FKBP1B: variants seen among roughly 807,000 people sequenced by gnomAD.
FKBP1B encodes the protein peptidyl-prolyl cis-trans isomerase FKBP1B.
In FKBP1B, 4 loss-of-function variants were observed where a neutral mutation model predicts 13.5. The observed-to-expected ratio is 0.30, with a 90% CI of 0.15 to 0.68. FKBP1B has a LOEUF of 0.68. FKBP1B is among the 30% of genes least tolerant of loss of function. FKBP1B has a pLI of 0.76. For synonymous variants in FKBP1B, 54 were observed against 53.6 expected (o/e 1.01, Z -0.03); for missense variants, 93 against 136.2 (o/e 0.68, Z 1.58).
In FKBP1B at chr2:24,054,183, C is replaced by T. The variant is rs1210231911; in HGVS notation, c.85+234C>T. On this transcript the variant is annotated intron_variant, in intron 2 of 3. Transcript: ENST00000380986. ...TACCAGCAAGGGCCATCCATGGTGCCAGCTTCTAGGTGAGTCAAACACCTT... is the reference window on the plus strand; with the variant it reads ...TACCAGCAAGGGCCATCCATGGTGCTAGCTTCTAGGTGAGTCAAACACCTT... 4.3e-6 allele frequency: 3 copies of T among 698,544 alleles called. No individual in the cohort carries two copies. The Admixed American group carries it at 6.3e-5, about 15-fold the overall frequency. The allele number at this position is 698,544 out of a possible 1,614,324, so 43.3% of individuals were successfully genotyped here.
chr2:24,062,953 A>C, intron 3 of FKBP1B, 111 bp from the exon 4 acceptor site: 2 of 1,493,268 alleles, frequency 1.3e-6, no homozygotes, highest in Non-Finnish European at 1.8e-6. Flanking sequence ...TGAGATCTTC[A>C]GAGTTAACAT....
chr2:24,040,993 G>C, the FKBP1B span, among the ~76,000 whole-genome samples: 1 of 151,950 alleles, frequency 6.6e-6, no homozygotes, highest in Non-Finnish European at 1.5e-5. Context: ...TCCAGCCTGG[G>C]TAACAACAGC....
Position 24,063,126 on chromosome 2 carries a change from C to G in FKBP1B, c.261C>G (p.Gly87=), listed in dbSNP as rs374480315. The change falls in exon 4 of 4, where the codon GGC becomes GGG. Residue 87 remains glycine, a synonymous_variant. Transcript: ENST00000380986. ...CTPDVAYGAT[G]HPGVIPPNAT... is the part of the protein sequence containing the mutation. Reference sequence around the variant, plus strand: ...CTGATGTGGCATATGGAGCCACGGGCCACCCCGGTGTCATCCCTCCCAATG... The same window carrying G: ...CTGATGTGGCATATGGAGCCACGGGGCACCCCGGTGTCATCCCTCCCAATG... 6.2e-7 allele frequency: 1 copy of G among 1,613,738 alleles called. No homozygotes were observed. The highest frequency in any genetic ancestry group is 1.3e-5 in the African/African-American group (1 of 75,054).
At chr2:24,061,096 C>T (rs1424344) in intron 3 of FKBP1B, among the ~76,000 whole-genome samples, 170 bp downstream of exon 3, 26,400 of 152,076 alleles carry the variant, frequency 0.17, 3,213 homozygotes, top group African/African-American at 0.34. Context: ...GTCCCCACCC[C>T]TCTCCTTGCC....
intron 2 of FKBP1B, among the ~76,000 whole-genome samples, chr2:24,057,678 G>A (rs1664197402): frequency 6.6e-6 from 1 of 151,588 alleles, no homozygotes; most frequent in African/African-American, 2.4e-5. Context: ...CGGCCACCTG[G>A]CTAATTTTTA....
At chr2:24,054,079 AC>A in intron 2 of FKBP1B, 130 bp downstream of exon 2, 1 of 855,816 alleles carries the variant, frequency 1.2e-6, no homozygotes, top group Non-Finnish European at 2.0e-6. Flanking sequence ...TCTCCCTGTG[AC>A]CAGCCATCCT....
At chr2:24,061,452 A>G (rs763946481) in intron 3 of FKBP1B, among the ~76,000 whole-genome samples, 10 of 152,120 alleles carry the variant, frequency 6.6e-5, no homozygotes, top group Non-Finnish European at 1.5e-4. Context: ...AGACTGTCTC[A>G]AAAAAACAAA....
the FKBP1B span, among the ~76,000 whole-genome samples, chr2:24,043,655 T>C: frequency 6.6e-6 from 1 of 152,224 alleles, no homozygotes; most frequent in African/African-American, 2.4e-5. Flanking sequence ...CCATTCCAAT[T>C]TCTTCTCCAA....
upstream of FKBP1B, among the ~76,000 whole-genome samples, chr2:24,045,381 CA>C (rs1208446783): frequency 2.0e-5 from 3 of 151,920 alleles, no homozygotes; most frequent in African/African-American, 7.3e-5. Context: ...GCAGGTGGAT[CA>C]TCTGAGGTCA....
the FKBP1B span, among the ~76,000 whole-genome samples, chr2:24,040,485 C>T: frequency 6.6e-6 from 1 of 152,186 alleles, no homozygotes; most frequent in South Asian, 2.1e-4. Context: ...TATTTCAAAT[C>T]CTTCCAAAGT....
At chr2:24,034,580 T>TTC in the FKBP1B span, among the ~76,000 whole-genome samples, 2 of 150,624 alleles carry the variant, frequency 1.3e-5, no homozygotes, top group African/African-American at 4.9e-5. Flanking sequence ...AAAACTTTTT[T>TTC]TTTTTTTTTT....
chr2:24,042,404 C>T, the FKBP1B span, among the ~76,000 whole-genome samples: 3 of 151,916 alleles, frequency 2.0e-5, no homozygotes, highest in Non-Finnish European at 2.9e-5. Flanking sequence ...GGTGTGTTGG[C>T]GGGCGCCTGT....
chr2:24,054,642 G>T, intron 2 of FKBP1B: 1 of 165,928 alleles, frequency 6.0e-6, no homozygotes. Context: ...ATACTCGGAT[G>T]GGGCCATTTT....
upstream of FKBP1B, among the ~76,000 whole-genome samples, chr2:24,049,047 C>G (rs1227681800): frequency 2.0e-5 from 3 of 152,148 alleles, no homozygotes; most frequent in African/African-American, 4.8e-5. Context: ...CCTCCCCCAG[C>G]TCTGCTCCTA....
chr2:24,048,491 G>GA (rs1218358113), upstream of FKBP1B, among the ~76,000 whole-genome samples: 49 of 144,020 alleles, frequency 3.4e-4, no homozygotes, highest in Non-Finnish European at 6.8e-4. Context: ...AAAAAAAAAA[G>GA]GAGAGAGAGA....
At chr2:24,061,378 G>A (rs1004340901) in intron 3 of FKBP1B, among the ~76,000 whole-genome samples, 4 of 152,074 alleles carry the variant, frequency 2.6e-5, no homozygotes, top group Non-Finnish European at 5.9e-5. Flanking sequence ...TACTTGAACC[G>A]GGGAGGTGAA....
rs751045263 is a variant in FKBP1B at position 24,053,924 on chromosome 2, C to A, written c.60C>A (p.Gly20=). The A allele has an allele frequency of 3.1e-6, 5 of 1,614,174 alleles. No individual in the cohort carries two copies. The highest frequency in any genetic ancestry group is 4.2e-6 in the Non-Finnish European group (5 of 1,180,028). The part of the protein sequence containing the change: ...PGDGRTFPKK[G]QTCVVHYTGM... ...CAGGAAGGACATTCCCCAAGAAGGG[C>A]CAAACGTGTGTGGTGCACTACACAG... Residue 20 remains glycine, a synonymous_variant, in exon 2 of 4, where the codon GGC becomes GGA. Coordinates refer to ENST00000380986, the MANE Select transcript of FKBP1B (RefSeq NM_004116.5).
the FKBP1B span, among the ~76,000 whole-genome samples, chr2:24,044,032 T>C: frequency 6.6e-6 from 1 of 152,226 alleles, no homozygotes; most frequent in Non-Finnish European, 1.5e-5. Flanking sequence ...TGAAAGATAA[T>C]AATGTTTTCT....
At chr2:24,059,664 T>G (rs1416975340) in intron 2 of FKBP1B, among the ~76,000 whole-genome samples, 1 of 151,572 alleles carries the variant, frequency 6.6e-6, no homozygotes, top group Non-Finnish European at 1.5e-5. Context: ...GAGGCTGAGG[T>G]GGGCAGATCA....
Sources: allele counts gnomAD v4.1 joint callset (sites outside exome capture counted in the v4.1 genomes callset), GRCh38; gene constraint gnomAD v4.1.1; transcripts MANE v1.5; gene names NCBI Gene and HGNC (gene_info 2026-07-23, HGNC 2026-07-21).